CNTN3: variants seen among roughly 807,000 people sequenced by gnomAD.
CNTN3 encodes contactin-3.
Under a neutral mutation model 119.1 loss-of-function variants are expected in CNTN3, and 60 were observed. That is an observed-to-expected ratio of 0.50 (90% CI 0.41 to 0.62). The LOEUF is 0.62. Ranked by LOEUF, CNTN3 falls within the 20% of genes least tolerant of loss-of-function variation. The pLI is 0.00. For missense variants in CNTN3, 1,101 were observed against 1,242.4 expected (o/e 0.89, Z 1.71); for synonymous variants, 450 against 438.7 (o/e 1.03, Z -0.32).
chr3:74,468,084 G>T (rs1411155616), intron 4 of CNTN3, among the ~76,000 whole-genome samples: 1 of 152,134 alleles, frequency 6.6e-6, no homozygotes, highest in Non-Finnish European at 1.5e-5. Context: ...AAGTCTCTGG[G>T]ATACTGGACT....
At chr3:74,521,337 A>T (rs1461977494) in intron 1 of CNTN3, among the ~76,000 whole-genome samples, 145 bp from the exon 2 acceptor site, 1 of 151,454 alleles carries the variant, frequency 6.6e-6, no homozygotes, top group Non-Finnish European at 1.5e-5. Context: ...TTGATACAAA[A>T]TAGAGGACGC....
intron 5 of CNTN3, among the ~76,000 whole-genome samples, chr3:74,413,639 C>T (rs2106874846): frequency 6.6e-6 from 1 of 152,284 alleles, no homozygotes; most frequent in African/African-American, 2.4e-5. Flanking sequence ...CCTAGCCCTC[C>T]TTTCGTTTGA....
chr3:74,448,183 A>C (rs1192087009), intron 4 of CNTN3, among the ~76,000 whole-genome samples: 2 of 152,168 alleles, frequency 1.3e-5, no homozygotes, highest in East Asian at 3.9e-4. Flanking sequence ...GCAGGACTAT[A>C]ATTTCATCTT....
At chr3:74,308,407 G>A (rs973553099) in intron 13 of CNTN3, among the ~76,000 whole-genome samples, 2 of 152,152 alleles carry the variant, frequency 1.3e-5, no homozygotes, top group Non-Finnish European at 2.9e-5. Flanking sequence ...ACTTTCTTGG[G>A]TACCAATAAA....
At chr3:74,457,889 G>C (rs1702298685) in intron 4 of CNTN3, among the ~76,000 whole-genome samples, 2 of 152,018 alleles carry the variant, frequency 1.3e-5, no homozygotes, top group African/African-American at 4.8e-5. Flanking sequence ...CCCATGAAGA[G>C]AATTCTGTTA....
chr3:74,596,231 G>T (rs556205984), intron 1 of CNTN3, among the ~76,000 whole-genome samples: 8 of 151,408 alleles, frequency 5.3e-5, no homozygotes, highest in East Asian at 1.9e-4. Context: ...TGGGTAGGAA[G>T]AATCAATATC....
intron 4 of CNTN3, among the ~76,000 whole-genome samples, chr3:74,429,134 A>T (rs546438456): frequency 1.3e-5 from 2 of 152,074 alleles, no homozygotes; most frequent in African/African-American, 2.4e-5. Flanking sequence ...TATAATTCTG[A>T]TCGAAATATC....
chr3:74,461,129 C>T (rs942177944), intron 4 of CNTN3, among the ~76,000 whole-genome samples: 6 of 151,962 alleles, frequency 3.9e-5, no homozygotes, highest in South Asian at 2.1e-4. Context: ...CTTTCCCTCG[C>T]TGATATGATG....
At chr3:74,561,449 G>C (rs1048356542) in intron 1 of CNTN3, among the ~76,000 whole-genome samples, 1 of 152,088 alleles carries the variant, frequency 6.6e-6, no homozygotes, top group Admixed American at 6.6e-5. Flanking sequence ...CCCAGTGGCT[G>C]CCTTTTTGTT....
At chr3:74,491,093 A>G (rs1312812756) in intron 3 of CNTN3, among the ~76,000 whole-genome samples, 1 of 152,212 alleles carries the variant, frequency 6.6e-6, no homozygotes, top group Non-Finnish European at 1.5e-5. Context: ...AGCTGCCAAC[A>G]GATATTAATA....
intron 4 of CNTN3, among the ~76,000 whole-genome samples, chr3:74,461,363 G>T (rs1702364025): frequency 1.3e-5 from 2 of 151,838 alleles, no homozygotes; most frequent in African/African-American, 4.8e-5. Context: ...TAAATTAATT[G>T]CAATATAAAA....
rs184107176 is a variant in CNTN3 at position 74,469,929 on chromosome 3, G to A, written c.358+16527C>T. On this transcript the variant is annotated intron_variant, in intron 4 of 22. Transcript: ENST00000263665. ...AATGCTTACAGCAGCATTATTTATA[G>A]CAATGAAAAAGCAGAAACAACCCTA... 3.3e-5 allele frequency among the ~76,000 whole-genome samples: 5 copies of A among 152,240 alleles called. No individual in the cohort carries two copies. The East Asian group carries it at 9.7e-4, about 29-fold the overall frequency.
At chr3:74,371,667 G>A (rs912038072) in intron 5 of CNTN3, among the ~76,000 whole-genome samples, 1 of 151,944 alleles carries the variant, frequency 6.6e-6, no homozygotes, top group Admixed American at 6.6e-5. Context: ...AAGCTTCTCT[G>A]GTCTTGCTCA....
At chr3:74,404,409 G>A (rs749108026) in intron 5 of CNTN3, among the ~76,000 whole-genome samples, 1 of 151,962 alleles carries the variant, frequency 6.6e-6, no homozygotes, top group African/African-American at 2.4e-5. Flanking sequence ...CTGTTACTCT[G>A]GTTTATCTAA....
chr3:74,386,731 G>C (rs1035640778), intron 5 of CNTN3, among the ~76,000 whole-genome samples: 4 of 152,138 alleles, frequency 2.6e-5, no homozygotes, highest in African/African-American at 9.7e-5. Flanking sequence ...AACCTTATAG[G>C]TGTGCCATGT....
At chr3:74,498,719 A>G (rs1703107350) in intron 3 of CNTN3, among the ~76,000 whole-genome samples, 1 of 152,006 alleles carries the variant, frequency 6.6e-6, no homozygotes, top group South Asian at 2.1e-4. Context: ...TTAAAATTTT[A>G]TTAATACTGG....
At chr3:74,404,360 TAAAAG>T (rs1170983434) in intron 5 of CNTN3, among the ~76,000 whole-genome samples, 2 of 152,096 alleles carry the variant, frequency 1.3e-5, no homozygotes, top group African/African-American at 4.8e-5. Context: ...ATTGTATAAA[TAAAAG>T]GAAAGGAAGA....
intron 4 of CNTN3, among the ~76,000 whole-genome samples, chr3:74,456,259 G>A (rs901195770): frequency 1.5e-4 from 23 of 151,556 alleles, no homozygotes; most frequent in Non-Finnish European, 2.7e-4. Context: ...AAAGAAAAAA[G>A]CAATTTAAGA....
At position 74,312,284 on chromosome 3, in the gene CNTN3, T is replaced by C. The variant is rs559225627; in HGVS notation, c.1669-9477A>G. Among the ~76,000 whole-genome samples, 10 of 151,306 alleles carry C rather than the reference T, an allele frequency of 6.6e-5. No homozygotes were observed. In the East Asian group the frequency reaches 2.0e-3, roughly 30 times the overall value. On this transcript the variant is annotated intron_variant, in intron 13 of 22. Coordinates refer to ENST00000263665, the MANE Select transcript of CNTN3 (RefSeq NM_020872.3). ...CTGGCAAACATGGTGAAACCATGTC[T>C]CTACTAAAAAAAATACAAAAAACTA...
Sources: gnomAD v4.1 joint callset for allele counts (sites outside exome capture counted in the v4.1 genomes callset) on GRCh38, gnomAD v4.1.1 for gene constraint, MANE v1.5 for transcripts, NCBI Gene and HGNC (gene_info 2026-07-23, HGNC 2026-07-21) for gene names.